MACROD2: variants seen among roughly 807,000 people sequenced by gnomAD.
MACROD2 encodes the protein mono-ADP ribosylhydrolase 2.
MACROD2 carries 36 observed loss-of-function variants against 70.4 expected under a neutral mutation model. The ratio of observed to expected loss-of-function variants is 0.51; its 90% CI spans 0.39 to 0.68. MACROD2 has a LOEUF of 0.68. MACROD2 is among the 30% of genes least tolerant of loss of function. The pLI is 0.00. For synonymous variants in MACROD2, 172 were observed against 178.8 expected, an observed-to-expected ratio of 0.96 and a Z score of 0.30; for missense variants, 496 against 538.4, an observed-to-expected ratio of 0.92 and a Z score of 0.78.
intron 6 of MACROD2, among the ~76,000 whole-genome samples, chr20:15,290,532 G>A (rs1183129322): frequency 1.3e-5 from 2 of 152,108 alleles, no homozygotes; most frequent in Non-Finnish European, 2.9e-5. Flanking sequence ...GGTTCTTTAT[G>A]AGACACTCAG....
intron 5 of MACROD2, among the ~76,000 whole-genome samples, chr20:15,165,201 A>G (rs765636589): frequency 6.6e-6 from 1 of 152,242 alleles, no homozygotes; most frequent in Non-Finnish European, 1.5e-5. Flanking sequence ...TACGCCTGTA[A>G]TCCCAGAACT....
chr20:15,490,221 CTCCCTTCCTTCCTCCCT>C (rs200947133), intron 7 of MACROD2, among the ~76,000 whole-genome samples: 15,547 of 142,132 alleles, frequency 0.11, 1,009 homozygotes, highest in Admixed American at 0.19. Flanking sequence ...TCCTTCCTTC[CTCCCTTCCTTCCTCCCT>C]TCCCTTCCCT....
At chr20:14,115,806 A>C (rs1453751825) in intron 3 of MACROD2, among the ~76,000 whole-genome samples, 3 of 152,354 alleles carry the variant, frequency 2.0e-5, no homozygotes, top group Admixed American at 2.0e-4. Flanking sequence ...AAAAAAGCAA[A>C]ATAAAATAAG....
chr20:14,268,133 C>G (rs1168871906), intron 3 of MACROD2, among the ~76,000 whole-genome samples: 2 of 152,116 alleles, frequency 1.3e-5, no homozygotes, highest in East Asian at 1.9e-4. Flanking sequence ...CTTGTTTCAC[C>G]TATTCCCTTT....
At chr20:14,432,416 C>A in intron 3 of MACROD2, among the ~76,000 whole-genome samples, 1 of 140,974 alleles carries the variant, frequency 7.1e-6, no homozygotes, top group African/African-American at 2.6e-5. Flanking sequence ...AAGATAGGCA[C>A]TTTTTTTTTT....
chr20:15,399,065 C>T (rs147733808), intron 6 of MACROD2, among the ~76,000 whole-genome samples: 6 of 152,238 alleles, frequency 3.9e-5, no homozygotes, highest in South Asian at 4.1e-4. Context: ...CATTAATTAT[C>T]GCTGTGCCAT....
chr20:15,980,860 C>T (rs1022871337), intron 13 of MACROD2, among the ~76,000 whole-genome samples: 6 of 152,118 alleles, frequency 3.9e-5, no homozygotes, highest in Admixed American at 6.5e-5. Flanking sequence ...AAGGCTTGAC[C>T]GGTTTTATTA....
chr20:14,977,883 A>T (rs1226139484), intron 5 of MACROD2, among the ~76,000 whole-genome samples: 3 of 151,824 alleles, frequency 2.0e-5, no homozygotes, highest in Non-Finnish European at 4.4e-5. Context: ...ATTCTGTTGA[A>T]TTTTTTTTTC....
chr20:15,897,913 G>A (rs1379241944), intron 10 of MACROD2, among the ~76,000 whole-genome samples: 2 of 151,968 alleles, frequency 1.3e-5, no homozygotes, highest in Admixed American at 6.6e-5. Context: ...TTTTACTTAT[G>A]GAAGCTTTTT....
In MACROD2 at chr20:15,185,632, A is replaced by G. The variant is rs573776833; in HGVS notation, c.419-44308A>G. 3.9e-5 allele frequency among the ~76,000 whole-genome samples: 6 copies of G among 152,332 alleles called. No homozygotes were observed. The South Asian group carries it at 1.2e-3, about 32-fold the overall frequency. The stretch of plus-strand genomic sequence containing the variant: ...TTTACTACATAATTAATTTATAAAT[A>G]TAACGACTTAGATGGTCTGATAACA... On this transcript the variant is annotated intron_variant, in intron 5 of 17. Coordinates refer to ENST00000684519, the MANE Select transcript of MACROD2 (RefSeq NM_001351661.2).
At chr20:15,292,265 T>C (rs1303545606) in intron 6 of MACROD2, among the ~76,000 whole-genome samples, 2 of 152,152 alleles carry the variant, frequency 1.3e-5, no homozygotes, top group African/African-American at 2.4e-5. Context: ...TGTATAACTG[T>C]AAACAAGCTA....
At chr20:15,040,105 C>CT (rs921502268) in intron 5 of MACROD2, among the ~76,000 whole-genome samples, 4 of 152,050 alleles carry the variant, frequency 2.6e-5, no homozygotes, top group Non-Finnish European at 5.9e-5. Flanking sequence ...GATCTCATAG[C>CT]TTTGAAGTAC....
At position 15,254,884 on chromosome 20, in the gene MACROD2, A is replaced by G. The variant is rs1042874381; in HGVS notation, c.540+24823A>G. 1.3e-3 allele frequency among the ~76,000 whole-genome samples: 204 copies of G among 151,606 alleles called. 1 individual carries two copies. Among genetic ancestry groups the G allele is most frequent in the Non-Finnish European group, 2.7e-4 (18 of 67,912 alleles). ...TTGTGGACTTACCCTCCATTTGTCAAACGTGAATTCCTTGAATTGTAAACC... is the reference window on the plus strand; with the variant it reads ...TTGTGGACTTACCCTCCATTTGTCAGACGTGAATTCCTTGAATTGTAAACC... On this transcript the variant is annotated intron_variant, in intron 6 of 17. Transcript: ENST00000684519.
At chr20:14,968,542 T>C (rs559808973) in intron 5 of MACROD2, among the ~76,000 whole-genome samples, 1 of 152,298 alleles carries the variant, frequency 6.6e-6, no homozygotes, top group East Asian at 1.9e-4. Context: ...AATATTTTAT[T>C]GTGCAACCTG....
chr20:15,457,989 C>G (rs6135413), intron 7 of MACROD2, among the ~76,000 whole-genome samples: 2 of 151,406 alleles, frequency 1.3e-5, no homozygotes, highest in Non-Finnish European at 2.9e-5. Context: ...GTCTAAGTAC[C>G]TAGGGCCGCA....
chr20:14,027,814 GC>G (rs1425957808), intron 2 of MACROD2, among the ~76,000 whole-genome samples: 1 of 152,126 alleles, frequency 6.6e-6, no homozygotes, highest in Non-Finnish European at 1.5e-5. Context: ...CCTGCCAGAT[GC>G]CAGCCGGAGC....
rs142771403 is a variant in MACROD2, at chr20:15,367,316, G to A, written c.541-64089G>A. 1.7e-3 allele frequency among the ~76,000 whole-genome samples: 255 copies of A among 152,104 alleles called. 2 individuals are homozygous for A. Among genetic ancestry groups the A allele is most frequent in the African/African-American group, 5.8e-3 (241 of 41,490 alleles). Reference sequence around the variant, plus strand: ...GCTGGGATTACAGGCGTGAGCCACCGTGCCCGGCCCCAAAAATTACTGATT... The same window carrying A: ...GCTGGGATTACAGGCGTGAGCCACCATGCCCGGCCCCAAAAATTACTGATT... On this transcript the variant is annotated intron_variant, in intron 6 of 17. Coordinates refer to ENST00000684519, the MANE Select transcript of MACROD2 (RefSeq NM_001351661.2).
intron 4 of MACROD2, among the ~76,000 whole-genome samples, chr20:14,613,352 C>T (rs770937447): frequency 1.3e-5 from 2 of 151,986 alleles, no homozygotes; most frequent in Non-Finnish European, 2.9e-5. Context: ...CTTGCATTTC[C>T]CTGTGAGAGA....
chr20:15,307,935 C>A (rs1050010996), intron 6 of MACROD2, among the ~76,000 whole-genome samples: 1 of 137,082 alleles, frequency 7.3e-6, no homozygotes, highest in Non-Finnish European at 1.6e-5. Flanking sequence ...TTAGGATATC[C>A]CTAATTTTGA....
Sources: allele counts gnomAD v4.1 joint callset (sites outside exome capture counted in the v4.1 genomes callset), GRCh38; gene constraint gnomAD v4.1.1; transcripts MANE v1.5; gene names NCBI Gene and HGNC (gene_info 2026-07-23, HGNC 2026-07-21).